The following IL1B variants were observed in gnomAD, a reference collection of about 807,000 sequenced individuals.
IL1B encodes the protein interleukin 1 beta, also known as interleukin-1 beta.
Under a neutral mutation model 26.2 loss-of-function variants are expected in IL1B, and 11 were observed. The ratio of observed to expected loss-of-function variants is 0.42; its 90% CI spans 0.26 to 0.70. IL1B has a LOEUF of 0.70. Ranked by LOEUF, IL1B falls within the 30% of genes least tolerant of loss-of-function variation. IL1B has a pLI of 0.25. For synonymous variants in IL1B, 118 were observed against 120.8 expected (o/e 0.98, Z 0.15); for missense variants, 255 against 327.5 (o/e 0.78, Z 1.71).
chr2:112,830,743 GC>G (rs1438521759), intron 6 of IL1B, among the ~76,000 whole-genome samples, 170 bp from the exon 7 acceptor site: 1 of 152,066 alleles, frequency 6.6e-6, no homozygotes, highest in Non-Finnish European at 1.5e-5. Flanking sequence ...TATTAAAAGA[GC>G]CCTTCTTCTT....
chr2:112,835,583 C>T lies in IL1B; in HGVS notation c.82G>A (p.Gly28Ser), dbSNP rs1336527442. 3.7e-6 allele frequency: 6 copies of T among 1,613,622 alleles called. No individual in the cohort carries two copies. The African/African-American group carries it at 6.7e-5, about 18-fold the overall frequency. ...AGTCTTACCTTCATCTGTTTAGGGC[C>T]ATCAGCTTCAAAGAACAAGTCATCC... is the stretch of plus-strand genomic sequence containing the variant. ...NEDDLFFEAD[G>S]PKQMKCSFQD... Residue 28 changes from glycine to serine, a missense_variant, in exon 3 of 7, where the codon GGC (glycine) becomes AGC (serine). By Grantham distance (56) the Gly-to-Ser change is moderately conservative (BLOSUM62 0). Coordinates refer to ENST00000263341, the MANE Select transcript of IL1B (RefSeq NM_000576.3).
Position 112,830,043 on chromosome 2 carries a change from G to C in IL1B, c.*318C>G. ...GGAAGCGGTTGCTCATCAGAATGTG[G>C]GAGCGAATGACAGAGGGTTTCTTAG... is the stretch of plus-strand genomic sequence containing the variant. On this transcript the variant is annotated 3_prime_UTR_variant, in exon 7 of 7. Coordinates refer to ENST00000263341, the MANE Select transcript of IL1B (RefSeq NM_000576.3). 1 of 291,464 alleles carries C rather than the reference G, an allele frequency of 3.4e-6. No homozygotes were observed. The highest frequency in any genetic ancestry group is 6.7e-5 in the East Asian group (1 of 14,916). The allele number at this position is 291,464 out of a possible 1,614,324, so 18.1% of individuals were successfully genotyped here.
chr2:112,834,649 A>T (rs561007540), intron 3 of IL1B, among the ~76,000 whole-genome samples: 1 of 152,390 alleles, frequency 6.6e-6, no homozygotes, highest in African/African-American at 2.4e-5. Context: ...CTCCTCCCAC[A>T]GCTGCAGCCA....
chr2:112,833,485 C>T lies in IL1B; in HGVS notation c.190G>A (p.Ala64Thr). Residue 64 changes from alanine (A) to threonine (T), a missense_variant, in exon 4 of 7, where the codon GCC (alanine) becomes ACC (threonine). Transcript: ENST00000263341. ...TCCATGGCCACAACAACTGACGCGG[C>T]CTGCCTGAAGCCCTTGCTGTAGTGG... ...DHHYSKGFRQ[A>T]ASVVVAMDKL... 1 of 1,614,200 alleles carries T rather than the reference C, an allele frequency of 6.2e-7. No homozygotes were observed. The highest frequency in any genetic ancestry group is 8.5e-7 in the Non-Finnish European group (1 of 1,180,040).
At chr2:112,831,243 A>G (rs772710712) in intron 6 of IL1B, 49 bp downstream of exon 6, 134 of 1,610,488 alleles carry the variant, frequency 8.3e-5, no homozygotes, top group Non-Finnish European at 1.1e-4. Flanking sequence ...TCTGGGAATA[A>G]GTGGTAGCAG....
At chr2:112,834,362 T>A (rs891033929) in intron 3 of IL1B, among the ~76,000 whole-genome samples, 1 of 152,248 alleles carries the variant, frequency 6.6e-6, no homozygotes, top group Non-Finnish European at 1.5e-5. Flanking sequence ...TTCTTTTTTT[T>A]CCTTTTTCAT....
chr2:112,830,023 C>T lies in IL1B; in HGVS notation c.*338G>A, dbSNP rs1681949711. 4.0e-6 allele frequency: 1 copy of T among 250,282 alleles called. No individual in the cohort carries two copies. The highest frequency in any genetic ancestry group is 7.1e-5 in the South Asian group (1 of 14,106). The allele number at this position is 250,282 out of a possible 1,614,324, so 15.5% of individuals were successfully genotyped here. ...ACAAATAAATAAATAAATAGGGAAGCGGTTGCTCATCAGAATGTGGGAGCG... is the reference window on the plus strand; with the variant it reads ...ACAAATAAATAAATAAATAGGGAAGTGGTTGCTCATCAGAATGTGGGAGCG... On this transcript the variant is annotated 3_prime_UTR_variant, in exon 7 of 7. Coordinates refer to ENST00000263341, the MANE Select transcript of IL1B (RefSeq NM_000576.3).
chr2:112,835,640 T>C (rs765026250), intron 2 of IL1B, 23 bp from the exon 3 acceptor site: 1 of 1,597,842 alleles, frequency 6.3e-7, no homozygotes, highest in South Asian at 1.1e-5. Flanking sequence ...CAGGGACATG[T>C]CTCAATTATG....
At position 112,830,477 on chromosome 2, in the gene IL1B, G is replaced by T. The variant is rs1379621278; in HGVS notation, c.694C>A (p.Gln232Lys). 1 of 1,613,728 alleles carries T rather than the reference G, an allele frequency of 6.2e-7. No homozygotes were observed. Among genetic ancestry groups the T allele is most frequent in the African/African-American group, 1.3e-5 (1 of 74,824 alleles). Residue 232 changes from glutamine (Q) to lysine (K), a missense_variant, in exon 7 of 7, where the codon CAG (glutamine) becomes AAG (lysine). Gln to Lys is a moderately conservative substitution (Grantham distance 53). Coordinates refer to ENST00000263341, the MANE Select transcript of IL1B (RefSeq NM_000576.3). ...INNKLEFESA[Q>K]FPNWYISTSQ... ...GTGCTGATGTACCAGTTGGGGAACT[G>T]GGCAGACTCAAATTCCAGCTTGTTA...
chr2:112,833,272 A>C, intron 4 of IL1B, 102 bp downstream of exon 4: 1 of 1,123,780 alleles, frequency 8.9e-7, no homozygotes, highest in Non-Finnish European at 1.3e-6. Context: ...TGGGCCTTCT[A>C]CCTTTAAAGG....
Position 112,836,167 on chromosome 2 carries a change from C to T in IL1B, c.47+16G>A. 1 of 1,612,478 alleles carries T rather than the reference C, an allele frequency of 6.2e-7. No homozygotes were observed. The highest frequency in any genetic ancestry group is 8.5e-7 in the Non-Finnish European group (1 of 1,178,564). Reference sequence around the variant, plus strand: ...GGAGACCTGCTCATGTTACTGGTCTCAGCGTCTCCACTGACCTGTAATAAG... The same window carrying T: ...GGAGACCTGCTCATGTTACTGGTCTTAGCGTCTCCACTGACCTGTAATAAG... On this transcript the variant is annotated intron_variant, in intron 2 of 6. Transcript: ENST00000263341.
chr2:112,836,550 CA>C (rs1225192151), intron 1 of IL1B, 157 bp downstream of exon 1: 12 of 309,326 alleles, frequency 3.9e-5, no homozygotes, highest in Admixed American at 2.9e-4. Context: ...TTACACCTGG[CA>C]TTTTTGCAAA....
At chr2:112,832,107 C>T (rs1012773417) in intron 5 of IL1B, among the ~76,000 whole-genome samples, 1 of 152,176 alleles carries the variant, frequency 6.6e-6, no homozygotes, top group Admixed American at 6.5e-5. Flanking sequence ...TACTGTGGCA[C>T]GATGCCAGGC....
chr2:112,832,749 G>C lies in IL1B; in HGVS notation c.379C>G (p.Arg127Gly). ...ACCAAGCTTTTTTGCTGTGAGTCCC[G>C]GAGCGTGCAGTTCAGTGATCGTACA... ...APVRSLNCTL[R>G]DSQQKSLVMS... Residue 127 changes from arginine to glycine, a missense_variant, in exon 5 of 7, where the codon CGG (arginine) becomes GGG (glycine). By Grantham distance (125) the Arg-to-Gly change is moderately radical. Transcript: ENST00000263341. The C allele has an allele frequency of 6.2e-7, 1 of 1,614,116 alleles. No individual in the cohort carries two copies. The highest frequency in any genetic ancestry group is 8.5e-7 in the Non-Finnish European group (1 of 1,180,002).
At position 112,829,833 on chromosome 2, in the gene IL1B, A is replaced by T; in HGVS notation, c.*528T>A. On this transcript the variant is annotated 3_prime_UTR_variant, in exon 7 of 7. Transcript: ENST00000263341. Reference sequence around the variant, plus strand: ...ATTTATAAATATTCCCATTTAAATAATCTGAGCTTATATATTTTCAGTCTT... The same window carrying T: ...ATTTATAAATATTCCCATTTAAATATTCTGAGCTTATATATTTTCAGTCTT... 6.4e-6 allele frequency: 1 copy of T among 156,176 alleles called. No homozygotes were observed. The highest frequency in any genetic ancestry group is 1.4e-5 in the Non-Finnish European group (1 of 70,334). 9.7% of individuals were successfully genotyped at this position (156,176 alleles called of 1,614,324 possible).
chr2:112,836,478 G>GC, intron 1 of IL1B: 1 of 464,232 alleles, frequency 2.2e-6, no homozygotes. Flanking sequence ...AACCTTTAGG[G>GC]TGTCAGCTGT....
At chr2:112,836,408 A>G (rs1682092214) in intron 1 of IL1B, 164 bp from the exon 2 acceptor site, 1 of 614,070 alleles carries the variant, frequency 1.6e-6, no homozygotes, top group Non-Finnish European at 3.0e-6. Flanking sequence ...AGCATTTGCT[A>G]AACCAAACCC....
chr2:112,830,060 G>T lies in IL1B; in HGVS notation c.*301C>A, dbSNP rs1376443937. 1 of 336,364 alleles carries T rather than the reference G, an allele frequency of 3.0e-6. No homozygotes were observed. The highest frequency in any genetic ancestry group is 4.4e-5 in the Admixed American group (1 of 22,528). The allele number at this position is 336,364 out of a possible 1,614,324, so 20.8% of individuals were successfully genotyped here. On this transcript the variant is annotated 3_prime_UTR_variant, in exon 7 of 7. Transcript: ENST00000263341. Reference sequence around the variant, plus strand: ...AGAATGTGGGAGCGAATGACAGAGGGTTTCTTAGAACCAAATGTGGCCGTG... The same window carrying T: ...AGAATGTGGGAGCGAATGACAGAGGTTTTCTTAGAACCAAATGTGGCCGTG...
At chr2:112,830,764 T>G (rs545723138) in intron 6 of IL1B, among the ~76,000 whole-genome samples, 191 bp from the exon 7 acceptor site, 1 of 152,226 alleles carries the variant, frequency 6.6e-6, no homozygotes, top group East Asian at 1.9e-4. Flanking sequence ...TTTCTAAAAC[T>G]TAGTGCCAAA....
Sources: gnomAD v4.1 joint callset for allele counts (sites outside exome capture counted in the v4.1 genomes callset) on GRCh38, gnomAD v4.1.1 for gene constraint, MANE v1.5 for transcripts, NCBI Gene and HGNC (gene_info 2026-07-23, HGNC 2026-07-21) for gene names.